CELA2A: variants seen among roughly 807,000 people sequenced by gnomAD.
CELA2A encodes chymotrypsin like elastase 2A.
A neutral mutation model predicts 35.3 loss-of-function variants in CELA2A; 31 were observed. The ratio of observed to expected loss-of-function variants is 0.88; its 90% CI spans 0.66 to 1.19. The LOEUF (loss-of-function observed/expected upper bound fraction) is 1.19. Ranked by LOEUF, CELA2A falls within the 50% of genes most tolerant of loss-of-function variation. The pLI is 0.00. For synonymous variants in CELA2A, 150 were observed against 149.8 expected (o/e 1.00, Z -0.01); for missense variants, 330 against 352.9 (o/e 0.94, Z 0.52).
chr1:15,463,401 G>A lies in CELA2A; in HGVS notation c.372G>A (p.Leu124=), dbSNP rs1459821722. The change falls in exon 5 of 8, where the codon CTG becomes CTA. Residue 124 remains leucine, a synonymous_variant. Transcript: ENST00000359621. ...ACTCACCCAGGAACGACATTGCCCT[G>A]CTCAAACTGGCTAACCCCGTCTCCC... ...NQISKGNDIA[L]LKLANPVSLT... 6.2e-7 allele frequency: 1 copy of A among 1,613,790 alleles called. No individual in the cohort carries two copies. The highest frequency in any genetic ancestry group is 1.3e-5 in the African/African-American group (1 of 75,034).
chr1:15,467,588 G>A, intron 7 of CELA2A, 50 bp downstream of exon 7: 1 of 1,595,674 alleles, frequency 6.3e-7, no homozygotes, highest in African/African-American at 1.3e-5. Context: ...TGCTCACCTG[G>A]CCTCGGGAGT....
At chr1:15,461,540 A>G (rs1325546136) in intron 2 of CELA2A, 21 bp from the exon 3 acceptor site, 1 of 1,611,690 alleles carries the variant, frequency 6.2e-7, no homozygotes, top group Non-Finnish European at 8.5e-7. Context: ...CTAGCCACAG[A>G]GCTCCTTTGC....
chr1:15,461,578 C>T lies in CELA2A; in HGVS notation c.147C>T (p.Ser49=), dbSNP rs1472760980. ...SWPWQVSLQY[S]SNGKWYHTCG... ...CTCCCCAGGTCTCCCTGCAGTACAG[C>T]TCCAATGGCAAGTGGTACCACACCT... The change falls in exon 3 of 8, where the codon AGC becomes AGT. Residue 49 remains serine, a synonymous_variant. Coordinates refer to ENST00000359621, the MANE Select transcript of CELA2A (RefSeq NM_033440.3). 7 of 1,612,292 alleles carry T rather than the reference C, an allele frequency of 4.3e-6. No individual in the cohort carries two copies. The highest frequency in any genetic ancestry group is 5.9e-6 in the Non-Finnish European group (7 of 1,179,944).
At chr1:15,460,857 G>A (rs1200448118) in intron 2 of CELA2A, among the ~76,000 whole-genome samples, 5 of 64,934 alleles carry the variant, frequency 7.7e-5, no homozygotes, top group Admixed American at 1.8e-4. Flanking sequence ...GGCTATTTTT[G>A]TTGTAGAGAC....
At chr1:15,464,472 G>T (rs750647443) in intron 5 of CELA2A, among the ~76,000 whole-genome samples, 3 of 152,118 alleles carry the variant, frequency 2.0e-5, no homozygotes, top group Non-Finnish European at 4.4e-5. Context: ...TCTAGGAAGG[G>T]ATGAGTAATA....
chr1:15,467,653 G>A (rs1708539094), intron 7 of CELA2A, 115 bp downstream of exon 7: 1 of 1,336,574 alleles, frequency 7.5e-7, no homozygotes, highest in Non-Finnish European at 1.0e-6. Context: ...AGCTAGATGG[G>A]AACCCCTTGG....
intron 3 of CELA2A, 55 bp downstream of exon 3, chr1:15,461,713 A>G: frequency 6.2e-7 from 1 of 1,604,980 alleles, no homozygotes; most frequent in Non-Finnish European, 8.5e-7. Context: ...CTCATTTCTG[A>G]GCTGGGGGCT....
intron 6 of CELA2A, 152 bp downstream of exon 6, chr1:15,466,296 C>A: frequency 1.0e-6 from 1 of 981,712 alleles, no homozygotes; most frequent in Non-Finnish European, 1.5e-6. Flanking sequence ...GGCACGGTGG[C>A]TCACACCTGT....
intron 2 of CELA2A, among the ~76,000 whole-genome samples, chr1:15,457,890 GA>G (rs1209140228): frequency 1.3e-5 from 2 of 152,012 alleles, no homozygotes; most frequent in Non-Finnish European, 2.9e-5. Flanking sequence ...TGTTACCAAT[GA>G]AAAAAATGTT....
intron 7 of CELA2A, 27 bp downstream of exon 7, chr1:15,467,565 C>G (rs377343489): frequency 6.2e-7 from 1 of 1,611,894 alleles, no homozygotes; most frequent in African/African-American, 1.3e-5. Context: ...CCCTGAGCCC[C>G]AAGGCACTAC....
chr1:15,467,695 CTG>C (rs1708540106), intron 7 of CELA2A, among the ~76,000 whole-genome samples, 157 bp downstream of exon 7: 2 of 152,154 alleles, frequency 1.3e-5, no homozygotes, highest in South Asian at 4.1e-4. Flanking sequence ...ACTGCTGGGC[CTG>C]CCATGGGTCC....
rs1316314395 is a variant in CELA2A, at chr1:15,472,033, C to G, written c.*26C>G. The G allele has an allele frequency of 6.2e-7, 1 of 1,613,906 alleles. No homozygotes were observed. The highest frequency in any genetic ancestry group is 1.1e-5 in the South Asian group (1 of 91,068). On this transcript the variant is annotated 3_prime_UTR_variant, in exon 8 of 8. Coordinates refer to ENST00000359621, the MANE Select transcript of CELA2A (RefSeq NM_033440.3). The stretch of plus-strand genomic sequence containing the variant: ...CCAAAAGAAGTCCCTGGGACTGTTT[C>G]AGACTTGGAAAGGTCACAGAAGGAA...
rs200634109 is a variant in CELA2A at position 15,466,134 on chromosome 1, C to G, written c.629C>G (p.Ser210Cys). 2.2e-5 allele frequency: 36 copies of G among 1,613,874 alleles called. No individual in the cohort carries two copies. The highest frequency in any genetic ancestry group is 2.9e-5 in the Non-Finnish European group (34 of 1,179,868). The change falls in exon 6 of 8, where the codon TCC (serine) becomes TGC (cysteine). Residue 210 changes from serine (S) to cysteine (C), a missense_variant. Physicochemically the swap from Ser to Cys is moderately radical, Grantham distance 112. Transcript: ENST00000359621. ...TGTGCTGGGGGTGATGGCGTGATCT[C>G]CAGCTGCAACGTGAGTACCAAAATC... Reference protein sequence around the residue: ...MICAGGDGVISSCNGDSGGPL... With the variant: ...MICAGGDGVICSCNGDSGGPL...
chr1:15,469,658 G>T (rs559381368), intron 7 of CELA2A, among the ~76,000 whole-genome samples: 1 of 152,264 alleles, frequency 6.6e-6, no homozygotes, highest in South Asian at 2.1e-4. Flanking sequence ...AGATTCCAAA[G>T]ACGTTTGTTG....
rs1178023045 is a variant in CELA2A at position 15,461,643 on chromosome 1, C to T, written c.212C>T (p.Ala71Val). Reference sequence around the variant, plus strand: ...ATAGCCAACAGCTGGGTCCTGACGGCTGCCCACTGCATCAGGTAACTGCCT... The same window carrying T: ...ATAGCCAACAGCTGGGTCCTGACGGTTGCCCACTGCATCAGGTAACTGCCT... Reference protein sequence around the residue: ...SLIANSWVLTAAHCISSSRTY... With the variant: ...SLIANSWVLTVAHCISSSRTY... The change falls in exon 3 of 8, where the codon GCT becomes GTT. Residue 71 changes from alanine (A) to valine (V), a missense_variant. Physicochemically the swap from Ala to Val is moderately conservative, Grantham distance 64. Transcript: ENST00000359621. 1.2e-6 allele frequency: 2 copies of T among 1,613,774 alleles called. No homozygotes were observed. Among genetic ancestry groups the T allele is most frequent in the East Asian group, 2.2e-5 (1 of 44,892 alleles).
chr1:15,463,110 G>A (rs2103302699), intron 4 of CELA2A: 2 of 719,398 alleles, frequency 2.8e-6, no homozygotes, highest in East Asian at 2.7e-5. Context: ...CAGGGCCCCT[G>A]TCCGCTGAGC....
At chr1:15,460,316 G>T (rs1306922336) in intron 2 of CELA2A, among the ~76,000 whole-genome samples, 10 of 152,022 alleles carry the variant, frequency 6.6e-5, no homozygotes, top group Non-Finnish European at 1.2e-4. Flanking sequence ...AATTGGGGGG[G>T]GGGTACATCC....
rs201413958 is a variant in CELA2A at position 15,472,037 on chromosome 1, C to T, written c.*30C>T. The stretch of plus-strand genomic sequence containing the variant: ...AAGAAGTCCCTGGGACTGTTTCAGA[C>T]TTGGAAAGGTCACAGAAGGAAAATA... On this transcript the variant is annotated 3_prime_UTR_variant, in exon 8 of 8. Transcript: ENST00000359621. The T allele has an allele frequency of 2.5e-6, 4 of 1,613,766 alleles. No homozygotes were observed. The African/African-American group carries it at 5.3e-5, about 22-fold the overall frequency.
chr1:15,465,969 C>G, intron 5 of CELA2A, 30 bp from the exon 6 acceptor site: 6 of 1,612,862 alleles, frequency 3.7e-6, no homozygotes, highest in Non-Finnish European at 4.2e-6. Flanking sequence ...GTCCCTGCAT[C>G]CCTAATGGCT....
Sources: gnomAD v4.1 joint callset for allele counts (sites outside exome capture counted in the v4.1 genomes callset) on GRCh38, gnomAD v4.1.1 for gene constraint, MANE v1.5 for transcripts, NCBI Gene and HGNC (gene_info 2026-07-23, HGNC 2026-07-21) for gene names.